Variants in CAPZA1 observed in about 807,000 individuals in gnomAD.
CAPZA1 encodes F-actin-capping protein subunit alpha-1.
In CAPZA1, 10 loss-of-function variants were observed where a neutral mutation model predicts 40.8. That is an observed-to-expected ratio of 0.25 (90% CI 0.15 to 0.42). The LOEUF (loss-of-function observed/expected upper bound fraction) is 0.42, where lower values mean the gene tolerates loss of function less well. Ranked by LOEUF, CAPZA1 falls within the 10% of genes least tolerant of loss-of-function variation. The pLI, the probability that CAPZA1 is intolerant of heterozygous loss-of-function variation, is 1.00. For missense variants in CAPZA1, 277 were observed against 353.8 expected, an observed-to-expected ratio of 0.78 and a Z score of 1.74; for synonymous variants, 98 against 115.0, an observed-to-expected ratio of 0.85 and a Z score of 0.95.
At chr1:112,669,863 T>C (rs956060806) in intron 9 of CAPZA1, 129 bp from the exon 10 acceptor site, 11 of 1,022,298 alleles carry the variant, frequency 1.1e-5, no homozygotes, top group Admixed American at 2.3e-5. Context: ...GAGGAGCTCA[T>C]TGAAAATAAT....
chr1:112,659,271 T>A (rs1337718751), intron 6 of CAPZA1, 170 bp downstream of exon 6: 2 of 590,180 alleles, frequency 3.4e-6, no homozygotes, highest in Non-Finnish European at 6.0e-6. Flanking sequence ...AATTATATTT[T>A]CCTTTAAAAG....
chr1:112,659,749 A>T lies in CAPZA1; in HGVS notation c.555A>T (p.Thr185=). 1 of 1,613,526 alleles carries T rather than the reference A, an allele frequency of 6.2e-7. No homozygotes were observed. The highest frequency in any genetic ancestry group is 8.5e-7 in the Non-Finnish European group (1 of 1,179,598). The stretch of plus-strand genomic sequence containing the variant: ...GGAAGTTCACCATCACACCACCTAC[A>T]GCCCAGGTGGTTGGCGTGCTTAAGA... ...SEWKFTITPP[T]AQVVGVLKIQ... The change falls in exon 7 of 10, where the codon ACA becomes ACT. Residue 185 remains threonine (T), a synonymous_variant. Coordinates refer to ENST00000263168, the MANE Select transcript of CAPZA1 (RefSeq NM_006135.3).
At position 112,670,120 on chromosome 1, in the gene CAPZA1, G is replaced by A. The variant is rs754189444; in HGVS notation, c.849G>A (p.Met283Ile). 5 of 1,613,818 alleles carry A rather than the reference G, an allele frequency of 3.1e-6. No homozygotes were observed. In the African/African-American group the frequency reaches 4.0e-5, roughly 13 times the overall value. The change falls in exon 10 of 10, where the codon ATG becomes ATA. Residue 283 changes from methionine to isoleucine, a missense_variant. Transcript: ENST00000263168. ...KILSYKIGKE[M>I]QNA Reference sequence around the variant, plus strand: ...TCAGCTACAAGATTGGCAAAGAAATGCAGAATGCTTAAAGGCTGAATGTAG... The same window carrying A: ...TCAGCTACAAGATTGGCAAAGAAATACAGAATGCTTAAAGGCTGAATGTAG...
intron 1 of CAPZA1, among the ~76,000 whole-genome samples, chr1:112,631,944 A>G (rs1029955220): frequency 6.6e-6 from 1 of 152,196 alleles, no homozygotes; most frequent in Non-Finnish European, 1.5e-5. Context: ...AGTGGTATGA[A>G]ATACAATGAC....
At chr1:112,653,712 A>G in intron 4 of CAPZA1, 51 bp downstream of exon 4, 3 of 1,237,704 alleles carry the variant, frequency 2.4e-6, no homozygotes, top group Non-Finnish European at 3.5e-6. Context: ...TAGAGATCCT[A>G]TTAATGGAAA....
intron 5 of CAPZA1, among the ~76,000 whole-genome samples, chr1:112,657,607 T>A (rs1469992197): frequency 1.3e-5 from 2 of 152,174 alleles, no homozygotes; most frequent in Middle Eastern, 6.8e-3. Context: ...TTTTTTTTTT[T>A]AGAGATGGAG....
chr1:112,628,810 T>C (rs1333072024), intron 1 of CAPZA1, among the ~76,000 whole-genome samples: 2 of 152,248 alleles, frequency 1.3e-5, no homozygotes, highest in African/African-American at 2.4e-5. Context: ...ATTAGTGTTA[T>C]CTTTGACTAC....
At chr1:112,628,600 A>G (rs1009003107) in intron 1 of CAPZA1, among the ~76,000 whole-genome samples, 1 of 152,228 alleles carries the variant, frequency 6.6e-6, no homozygotes, top group Admixed American at 6.5e-5. Context: ...ATATGTACCC[A>G]ACACCAAAAC....
intron 1 of CAPZA1, among the ~76,000 whole-genome samples, chr1:112,638,938 G>GA (rs1557729650): frequency 1.3e-5 from 1 of 78,026 alleles, no homozygotes; most frequent in African/African-American, 7.2e-5. Flanking sequence ...ATAGATATAG[G>GA]TATAGATATA....
At chr1:112,630,403 G>A (rs1670897859) in intron 1 of CAPZA1, among the ~76,000 whole-genome samples, 1 of 151,884 alleles carries the variant, frequency 6.6e-6, no homozygotes, top group South Asian at 2.1e-4. Context: ...GAGTGCAGTG[G>A]TGCCATCTCG....
At chr1:112,663,534 C>G (rs779151752) in intron 7 of CAPZA1, among the ~76,000 whole-genome samples, 8 of 151,748 alleles carry the variant, frequency 5.3e-5, no homozygotes, top group Non-Finnish European at 7.4e-5. Context: ...TCCAGTCTCT[C>G]TCTGTCACCC....
intron 1 of CAPZA1, among the ~76,000 whole-genome samples, chr1:112,634,218 A>G (rs936448085): frequency 6.6e-5 from 10 of 152,246 alleles, no homozygotes; most frequent in African/African-American, 2.4e-4. Flanking sequence ...AATAAATGCA[A>G]CTATTTATTC....
intron 3 of CAPZA1, among the ~76,000 whole-genome samples, chr1:112,652,689 T>TG (rs1391316342): frequency 6.6e-6 from 1 of 151,020 alleles, no homozygotes; most frequent in African/African-American, 2.4e-5. Flanking sequence ...CTGTCTGACA[T>TG]GGGGAAAAAA....
intron 3 of CAPZA1, among the ~76,000 whole-genome samples, chr1:112,651,913 C>T (rs533056827): frequency 3.3e-5 from 5 of 151,480 alleles, no homozygotes; most frequent in African/African-American, 9.7e-5. Flanking sequence ...GTCAGGAGTT[C>T]GAGACCAGCC....
chr1:112,640,704 G>T (rs999007191), intron 1 of CAPZA1, among the ~76,000 whole-genome samples: 15 of 152,244 alleles, frequency 9.9e-5, no homozygotes, highest in Admixed American at 3.9e-4. Flanking sequence ...CCTGGCCACC[G>T]CCCCGTCTGG....
chr1:112,621,865 G>A (rs1420689098), intron 1 of CAPZA1, among the ~76,000 whole-genome samples: 2 of 147,668 alleles, frequency 1.4e-5, no homozygotes, highest in African/African-American at 5.0e-5. Context: ...TGGTTCAAGC[G>A]ATTCTCCTGC....
chr1:112,642,176 C>T (rs1224084389), intron 1 of CAPZA1, among the ~76,000 whole-genome samples: 1 of 146,454 alleles, frequency 6.8e-6, no homozygotes, highest in African/African-American at 2.5e-5. Flanking sequence ...TCTCAAACAT[C>T]ACAGCCTCTG....
chr1:112,623,103 T>C (rs1670713850), intron 1 of CAPZA1, among the ~76,000 whole-genome samples: 1 of 152,140 alleles, frequency 6.6e-6, no homozygotes, highest in South Asian at 2.1e-4. Flanking sequence ...GTCAGGCTAG[T>C]CTCAAACTCC....
At chr1:112,643,738 G>A (rs1267911620) in intron 1 of CAPZA1, among the ~76,000 whole-genome samples, 2 of 152,122 alleles carry the variant, frequency 1.3e-5, no homozygotes, top group Non-Finnish European at 2.9e-5. Context: ...CTTGACTAAC[G>A]GTTTCATCAC....
Sources: allele counts gnomAD v4.1 joint callset (sites outside exome capture counted in the v4.1 genomes callset), GRCh38; gene constraint gnomAD v4.1.1; transcripts MANE v1.5; gene names NCBI Gene and HGNC (gene_info 2026-07-23, HGNC 2026-07-21).